SLC9B1: variants seen among roughly 807,000 people sequenced by gnomAD.
The protein encoded by SLC9B1 is sodium/hydrogen exchanger 9B1.
In SLC9B1, 32 loss-of-function variants were observed where a neutral mutation model predicts 51.7. The observed-to-expected ratio is 0.62, with a 90% CI of 0.47 to 0.83. The LOEUF is 0.83. Among genes scored for constraint, SLC9B1 ranks in the 40% least tolerant of loss-of-function variants. The pLI is 0.00. For missense variants in SLC9B1, 406 were observed against 613.2 expected, an observed-to-expected ratio of 0.66 and a Z score of 3.57; for synonymous variants, 145 against 212.7, an observed-to-expected ratio of 0.68 and a Z score of 2.77.
At position 102,905,690 on chromosome 4, in the gene SLC9B1, G is replaced by C. The variant is rs767229122; in HGVS notation, c.1196-40C>G. 2.5e-6 allele frequency: 4 copies of C among 1,574,672 alleles called. No individual in the cohort carries two copies. The South Asian group carries it at 3.5e-5, about 14-fold the overall frequency. On this transcript the variant is annotated intron_variant, in intron 10 of 11. Coordinates refer to ENST00000296422, the MANE Select transcript of SLC9B1 (RefSeq NM_139173.4). ...AACAAACATAAATAACAAAATATTT[G>C]TGAAGAAGTGTTCTTCATGCCCAGG...
At chr4:102,995,380 TAAGTA>T (rs1740161431) in intron 1 of SLC9B1, among the ~76,000 whole-genome samples, 1 of 152,110 alleles carries the variant, frequency 6.6e-6, no homozygotes, top group Non-Finnish European at 1.5e-5. Flanking sequence ...CTGTGAGTCA[TAAGTA>T]AGCAGATGGA....
At chr4:103,001,146 T>C (rs1740504550) in intron 1 of SLC9B1, among the ~76,000 whole-genome samples, 1 of 152,214 alleles carries the variant, frequency 6.6e-6, no homozygotes, top group African/African-American at 2.4e-5. Flanking sequence ...AGCTGTACAT[T>C]GGCCCCTGTT....
At chr4:102,946,156 C>T (rs1250457670) in intron 5 of SLC9B1, among the ~76,000 whole-genome samples, 2 of 152,202 alleles carry the variant, frequency 1.3e-5, no homozygotes, top group South Asian at 2.1e-4. Flanking sequence ...ATATAAGAGA[C>T]ATTTATCTCT....
intron 7 of SLC9B1, among the ~76,000 whole-genome samples, chr4:102,917,319 C>T (rs1270717887): frequency 1.3e-5 from 2 of 152,030 alleles, no homozygotes; most frequent in Non-Finnish European, 2.9e-5. Flanking sequence ...TCTCATTTTC[C>T]GGCTTATAGA....
chr4:103,014,516 T>C (rs937445999), intron 1 of SLC9B1, among the ~76,000 whole-genome samples: 10 of 152,224 alleles, frequency 6.6e-5, no homozygotes, highest in African/African-American at 2.4e-4. Context: ...GAAGCACGTT[T>C]AGGATGTGAG....
intron 6 of SLC9B1, among the ~76,000 whole-genome samples, chr4:102,943,537 A>ACACACACACC (rs369522217): frequency 6.6e-6 from 1 of 151,544 alleles, no homozygotes; most frequent in Admixed American, 6.6e-5. Context: ...ACACACACAC[A>ACACACACACC]CCATCGACAG....
intron 11 of SLC9B1, among the ~76,000 whole-genome samples, chr4:102,904,301 C>T (rs1468721692): frequency 2.0e-5 from 3 of 152,012 alleles, no homozygotes; most frequent in African/African-American, 7.2e-5. Flanking sequence ...CTCAAGTGAT[C>T]TGCCTGCCTC....
At chr4:102,909,116 A>G (rs1316035306) in intron 9 of SLC9B1, among the ~76,000 whole-genome samples, 1 of 152,168 alleles carries the variant, frequency 6.6e-6, no homozygotes, top group East Asian at 1.9e-4. Flanking sequence ...CAGAGTGTAA[A>G]TAACCAAAAT....
At chr4:102,890,806 C>CAATAAGTAAGCTACTTA (rs1327456037) in intron 11 of SLC9B1, 16 of 128,380 alleles carry the variant, frequency 1.2e-4, no homozygotes, top group African/African-American at 3.9e-4. Context: ...TGCCACTGCA[C>CAATAAGTAAGCTACTTA]TCCAGCCTGG....
intron 1 of SLC9B1, among the ~76,000 whole-genome samples, chr4:103,005,203 A>G (rs1740716305): frequency 6.6e-6 from 1 of 151,936 alleles, no homozygotes; most frequent in Non-Finnish European, 1.5e-5. Context: ...CTCATCTCAC[A>G]TGCAATGATA....
intron 7 of SLC9B1, among the ~76,000 whole-genome samples, chr4:102,921,526 T>A (rs1477541835): frequency 6.6e-6 from 1 of 152,018 alleles, no homozygotes; most frequent in African/African-American, 2.4e-5. Flanking sequence ...AACCAGCAAC[T>A]ATCATAATAA....
At chr4:103,000,059 T>A (rs886689772) in intron 1 of SLC9B1, among the ~76,000 whole-genome samples, 1 of 152,104 alleles carries the variant, frequency 6.6e-6, no homozygotes, top group African/African-American at 2.4e-5. Flanking sequence ...TGAGAACGCA[T>A]TCACTGTCTT....
chr4:102,993,007 T>G (rs1476587148), intron 1 of SLC9B1, among the ~76,000 whole-genome samples: 1 of 152,256 alleles, frequency 6.6e-6, no homozygotes, highest in South Asian at 2.1e-4. Context: ...ACCTATACCT[T>G]GTCCCACCCA....
chr4:102,919,482 G>A (rs1560926932), intron 7 of SLC9B1, among the ~76,000 whole-genome samples: 2 of 152,156 alleles, frequency 1.3e-5, no homozygotes, highest in African/African-American at 4.8e-5. Context: ...GCAGCTCCCA[G>A]CATGATCGAC....
chr4:102,924,630 A>G (rs1362385263), intron 7 of SLC9B1, among the ~76,000 whole-genome samples: 2 of 152,210 alleles, frequency 1.3e-5, no homozygotes, highest in Admixed American at 6.5e-5. Context: ...AACCTACAGA[A>G]TGGGAGAAAA....
intron 7 of SLC9B1, among the ~76,000 whole-genome samples, chr4:102,912,616 C>T (rs1735391520): frequency 6.6e-6 from 1 of 152,154 alleles, no homozygotes; most frequent in Non-Finnish European, 1.5e-5. Flanking sequence ...ATGGTGGGCT[C>T]ACACCTTTAA....
At chr4:103,010,375 ACCTC>A (rs1741031558) in intron 1 of SLC9B1, among the ~76,000 whole-genome samples, 1 of 152,146 alleles carries the variant, frequency 6.6e-6, no homozygotes. Flanking sequence ...AATGAAATTA[ACCTC>A]ACCCATGTGG....
At chr4:102,920,344 C>T (rs1463981185) in intron 7 of SLC9B1, among the ~76,000 whole-genome samples, 1 of 152,172 alleles carries the variant, frequency 6.6e-6, no homozygotes, top group Non-Finnish European at 1.5e-5. Flanking sequence ...AACTAACAAA[C>T]AGAAAGGAAT....
At chr4:102,904,939 A>G (rs1360544886) in intron 11 of SLC9B1, among the ~76,000 whole-genome samples, 3 of 151,544 alleles carry the variant, frequency 2.0e-5, no homozygotes, top group Non-Finnish European at 2.9e-5. Flanking sequence ...AGCCGAGATC[A>G]TGCCACTGCA....
Sources: gnomAD v4.1 joint callset for allele counts (sites outside exome capture counted in the v4.1 genomes callset) on GRCh38, gnomAD v4.1.1 for gene constraint, MANE v1.5 for transcripts, NCBI Gene and HGNC (gene_info 2026-07-23, HGNC 2026-07-21) for gene names.